RARB: variants seen among roughly 807,000 people sequenced by gnomAD.
RARB encodes the protein HBV-activated protein.
RARB carries 17 observed loss-of-function variants against 51.9 expected under a neutral mutation model. The ratio of observed to expected loss-of-function variants is 0.33; its 90% CI spans 0.22 to 0.49. The LOEUF (loss-of-function observed/expected upper bound fraction) is 0.49, where lower values mean the gene tolerates loss of function less well. RARB is among the 20% of genes least tolerant of loss of function. RARB has a pLI of 0.99. For synonymous variants in RARB, 215 were observed against 195.4 expected (o/e 1.10, Z -0.84); for missense variants, 369 against 550.8 (o/e 0.67, Z 3.30).
intron 3 of RARB, among the ~76,000 whole-genome samples, chr3:25,525,221 A>G (rs1290220542): frequency 6.6e-6 from 1 of 152,202 alleles, no homozygotes; most frequent in Non-Finnish European, 1.5e-5. Context: ...GCTCAGAAAG[A>G]AAATTCTCAG....
intron 3 of RARB, among the ~76,000 whole-genome samples, chr3:25,105,355 G>T (rs1430717564): frequency 1.4e-5 from 2 of 145,150 alleles, no homozygotes; most frequent in Non-Finnish European, 3.0e-5. Flanking sequence ...CGAGTGCTTT[G>T]ATAGCACTTT....
intron 3 of RARB, among the ~76,000 whole-genome samples, chr3:25,061,467 T>G (rs1486830356): frequency 6.6e-6 from 1 of 151,880 alleles, no homozygotes; most frequent in African/African-American, 2.4e-5. Flanking sequence ...CTTGATTGCT[T>G]TTTTCTAATT....
At chr3:25,041,711 A>G (rs759890342) in intron 2 of RARB, among the ~76,000 whole-genome samples, 9 of 152,074 alleles carry the variant, frequency 5.9e-5, no homozygotes, top group Admixed American at 3.3e-4. Flanking sequence ...TGCCTTATAC[A>G]TTTATTTTTC....
intron 3 of RARB, among the ~76,000 whole-genome samples, chr3:25,111,654 C>A (rs1197419386): frequency 2.1e-5 from 3 of 142,980 alleles, no homozygotes; most frequent in East Asian, 4.8e-4. Flanking sequence ...TCTCAGCTCA[C>A]TGCAACCTCC....
At chr3:25,100,608 G>C (rs1296852595) in intron 3 of RARB, among the ~76,000 whole-genome samples, 4 of 152,128 alleles carry the variant, frequency 2.6e-5, no homozygotes, top group Non-Finnish European at 5.9e-5. Flanking sequence ...ATCTGAAGGG[G>C]TAGTATTAAA....
At chr3:25,437,273 A>C in intron 1 of RARB, among the ~76,000 whole-genome samples, 1 of 152,148 alleles carries the variant, frequency 6.6e-6, no homozygotes, top group Non-Finnish European at 1.5e-5. Flanking sequence ...CCAGATCCCC[A>C]GATTTCTTGC....
At chr3:25,215,162 T>C (rs1351941530) in intron 5 of RARB, among the ~76,000 whole-genome samples, 4 of 152,158 alleles carry the variant, frequency 2.6e-5, no homozygotes, top group East Asian at 3.9e-4. Context: ...TAGCTTCTGT[T>C]TCGTTTGGTT....
At chr3:24,892,092 C>A (rs1299212859) in intron 2 of RARB, among the ~76,000 whole-genome samples, 1 of 151,918 alleles carries the variant, frequency 6.6e-6, no homozygotes, top group Non-Finnish European at 1.5e-5. Flanking sequence ...GCCATCCCTG[C>A]ATATCAGCAG....
chr3:25,243,133 G>A (rs1282599549), intron 5 of RARB, among the ~76,000 whole-genome samples: 1 of 152,040 alleles, frequency 6.6e-6, no homozygotes, highest in Non-Finnish European at 1.5e-5. Context: ...GTATAGGAGT[G>A]CTTGTGATTT....
chr3:25,322,167 G>A (rs932864570), intron 5 of RARB, among the ~76,000 whole-genome samples: 9 of 148,888 alleles, frequency 6.0e-5, no homozygotes, highest in African/African-American at 2.2e-4. Context: ...TATATGAGGT[G>A]GGCATTGAAA....
chr3:25,301,439 GGTGATATAACCA>G, intron 5 of RARB, among the ~76,000 whole-genome samples: 1 of 94,346 alleles, frequency 1.1e-5, no homozygotes, highest in African/African-American at 3.4e-5. Context: ...GCTCTGTGCT[GGTGATATAACCA>G]TGGCTACCTT....
chr3:24,893,478 C>G lies in RARB; in HGVS notation c.-380+34726C>G, dbSNP rs114705368. 6.3e-3 allele frequency among the ~76,000 whole-genome samples: 961 copies of G among 152,228 alleles called. 6 individuals carry two copies. The highest frequency in any genetic ancestry group is 0.021 in the African/African-American group (889 of 41,540). On this transcript the variant is annotated intron_variant, in intron 2 of 11. Coordinates refer to the RARB transcript ENST00000383772. Reference sequence around the variant, plus strand: ...ATAAGATGTGGCTCTTCACTGCAAACAGCTCACGCTGATGACATAAAAATG... The same window carrying G: ...ATAAGATGTGGCTCTTCACTGCAAAGAGCTCACGCTGATGACATAAAAATG...
At chr3:25,097,816 G>A (rs958939876) in intron 3 of RARB, among the ~76,000 whole-genome samples, 2 of 152,126 alleles carry the variant, frequency 1.3e-5, no homozygotes, top group African/African-American at 4.8e-5. Context: ...TCCTTCGGGA[G>A]TGTATTTTTT....
intron 5 of RARB, among the ~76,000 whole-genome samples, chr3:25,176,489 G>A (rs761357793): frequency 1.1e-4 from 16 of 150,464 alleles, no homozygotes; most frequent in Non-Finnish European, 1.8e-4. Context: ...TCCACCTCCC[G>A]GTTTCAGGTG....
At chr3:25,268,031 G>C (rs1216513029) in intron 5 of RARB, among the ~76,000 whole-genome samples, 2 of 152,134 alleles carry the variant, frequency 1.3e-5, no homozygotes, top group African/African-American at 4.8e-5. Context: ...TGGTTATAGT[G>C]TCAAATTTCT....
At chr3:25,343,447 C>T (rs1275231625) in intron 5 of RARB, among the ~76,000 whole-genome samples, 1 of 148,248 alleles carries the variant, frequency 6.7e-6, no homozygotes, top group East Asian at 1.9e-4. Context: ...TTCTTTCCCT[C>T]ATTTCTGGCT....
At chr3:25,189,940 C>A (rs1332683688) in intron 5 of RARB, among the ~76,000 whole-genome samples, 2 of 151,948 alleles carry the variant, frequency 1.3e-5, no homozygotes, top group Non-Finnish European at 2.9e-5. Flanking sequence ...GTGTGATCCC[C>A]GGATAAACTC....
chr3:24,907,129 A>T (rs1694884808), intron 2 of RARB, among the ~76,000 whole-genome samples: 1 of 152,316 alleles, frequency 6.6e-6, no homozygotes, highest in South Asian at 2.1e-4. Context: ...GCACTAGAAT[A>T]CTTACGGTAG....
chr3:24,967,994 A>T (rs1382072570), intron 2 of RARB, among the ~76,000 whole-genome samples: 1 of 152,166 alleles, frequency 6.6e-6, no homozygotes, highest in African/African-American at 2.4e-5. Flanking sequence ...ATGTTTTCTA[A>T]TGAAACTGTA....
Sources: allele counts gnomAD v4.1 joint callset (sites outside exome capture counted in the v4.1 genomes callset), GRCh38; gene constraint gnomAD v4.1.1; transcripts MANE v1.5; gene names NCBI Gene and HGNC (gene_info 2026-07-23, HGNC 2026-07-21).